Variants in CAMK1G observed in about 807,000 individuals in gnomAD.
CAMK1G encodes calcium/calmodulin dependent protein kinase IG.
Under a neutral mutation model 54.8 loss-of-function variants are expected in CAMK1G, and 27 were observed. The observed-to-expected ratio is 0.49, with a 90% CI of 0.36 to 0.68. CAMK1G has a LOEUF of 0.68. Among genes scored for constraint, CAMK1G ranks in the 30% least tolerant of loss-of-function variants. The pLI, the probability that CAMK1G is intolerant of heterozygous loss-of-function variation, is 0.00. For missense variants in CAMK1G, 512 were observed against 591.0 expected (o/e 0.87, Z 1.39); for synonymous variants, 238 against 224.9 (o/e 1.06, Z -0.52).
At chr1:209,608,846 C>T (rs1462801423) in intron 7 of CAMK1G, 134 bp from the exon 8 acceptor site, 43 of 1,252,498 alleles carry the variant, frequency 3.4e-5, no homozygotes, top group Middle Eastern at 5.5e-4. Flanking sequence ...GGCAGATCTG[C>T]GTCCTGGTCA....
intron 3 of CAMK1G, among the ~76,000 whole-genome samples, chr1:209,601,467 C>A (rs531651458): frequency 6.6e-6 from 1 of 152,274 alleles, no homozygotes; most frequent in South Asian, 2.1e-4. Flanking sequence ...TTGGAACATA[C>A]TGAATATGAG....
At chr1:209,596,702 C>CAT (rs1346366227) in intron 2 of CAMK1G, among the ~76,000 whole-genome samples, 13 of 142,850 alleles carry the variant, frequency 9.1e-5, no homozygotes, top group Admixed American at 3.5e-4. Context: ...CACACACACA[C>CAT]GTACTGAGCA....
At chr1:209,601,313 G>T (rs2102389147) in intron 3 of CAMK1G, among the ~76,000 whole-genome samples, 1 of 152,340 alleles carries the variant, frequency 6.6e-6, no homozygotes, top group South Asian at 2.1e-4. Context: ...AAGTGATTGG[G>T]TTTGGGGTTG....
At chr1:209,592,840 T>A (rs1665291806) in intron 1 of CAMK1G, among the ~76,000 whole-genome samples, 2 of 152,338 alleles carry the variant, frequency 1.3e-5, no homozygotes, top group Admixed American at 1.3e-4. Context: ...GTCTCATAGT[T>A]GTGTTTTAAT....
At chr1:209,600,236 A>G in intron 3 of CAMK1G, 125 bp downstream of exon 3, 2 of 1,169,628 alleles carry the variant, frequency 1.7e-6, no homozygotes, top group Non-Finnish European at 2.4e-6. Flanking sequence ...GATTGAGTTG[A>G]TGGGTCAGTT....
At position 209,605,542 on chromosome 1, in the gene CAMK1G, T is replaced by C. The variant is rs1665628035; in HGVS notation, c.303T>C (p.Ser101=). ...CTTGATCCTATGCCCACAGTGTTTC[T>C]GGTGGGGAGCTCTTTGACCGGATCC... ...THYYLVMQLV[S]GGELFDRILE... Residue 101 remains serine, a synonymous_variant, in exon 5 of 13, where the codon TCT becomes TCC. Transcript: ENST00000361322. The C allele has an allele frequency of 6.2e-7, 1 of 1,613,892 alleles. No homozygotes were observed. The highest frequency in any genetic ancestry group is 8.5e-7 in the Non-Finnish European group (1 of 1,179,854).
At position 209,600,117 on chromosome 1, in the gene CAMK1G, TG is replaced by T. The variant is rs1190288793; in HGVS notation, c.221+9del. ...GAGATTGCTGTGTTGAAAAAGTGAG[TG>T]GGTCTTAGTGTTGACTGGATCACTA... On this transcript the variant is annotated splice_region_variant and intron_variant, in intron 3 of 12. Coordinates refer to ENST00000361322, the MANE Select transcript of CAMK1G (RefSeq NM_020439.3). 6.2e-7 allele frequency: 1 copy of T among 1,612,664 alleles called. No individual in the cohort carries two copies. Among genetic ancestry groups the T allele is most frequent in the Non-Finnish European group, 8.5e-7 (1 of 1,179,544 alleles).
chr1:209,607,709 C>T, intron 6 of CAMK1G, 149 bp from the exon 7 acceptor site: 1 of 643,994 alleles, frequency 1.6e-6, no homozygotes. Flanking sequence ...AGAGACACAG[C>T]CCCTACCCTT....
intron 1 of CAMK1G, among the ~76,000 whole-genome samples, chr1:209,594,554 G>A (rs1462850676): frequency 6.6e-6 from 1 of 152,196 alleles, no homozygotes; most frequent in African/African-American, 2.4e-5. Flanking sequence ...ATTGAGGGAG[G>A]TGGCAGAGTT....
Position 209,611,858 on chromosome 1 carries a change from G to A in CAMK1G, c.982G>A (p.Gly328Ser). ...GCTACACATGAACCTGCACAGCCCGGGCGTCCGCCCAGAGGTGGAGAACAG... is the reference window on the plus strand; with the variant it reads ...GCTACACATGAACCTGCACAGCCCGAGCGTCCGCCCAGAGGTGGAGAACAG... ...RKLHMNLHSP[G>S]VRPEVENRPP... Residue 328 changes from glycine (G) to serine (S), a missense_variant, in exon 11 of 13, where the codon GGC (glycine) becomes AGC (serine). Gly to Ser is a moderately conservative substitution (Grantham distance 56). Coordinates refer to ENST00000361322, the MANE Select transcript of CAMK1G (RefSeq NM_020439.3). 4.3e-6 allele frequency: 7 copies of A among 1,614,224 alleles called. No homozygotes were observed. The highest frequency in any genetic ancestry group is 5.9e-6 in the Non-Finnish European group (7 of 1,180,046).
At chr1:209,606,745 G>A (rs755180405) in intron 6 of CAMK1G, among the ~76,000 whole-genome samples, 7 of 152,152 alleles carry the variant, frequency 4.6e-5, no homozygotes, top group African/African-American at 1.7e-4. Context: ...TGGACCAGGG[G>A]CAGACAAGAT....
At chr1:209,598,451 G>A (rs1665441955) in intron 2 of CAMK1G, among the ~76,000 whole-genome samples, 1 of 152,208 alleles carries the variant, frequency 6.6e-6, no homozygotes, top group Non-Finnish European at 1.5e-5. Flanking sequence ...CACATTGAAA[G>A]TGGCATGAAT....
chr1:209,592,364 A>AAAAAAAAC (rs1553272847), intron 1 of CAMK1G, among the ~76,000 whole-genome samples: 2 of 143,774 alleles, frequency 1.4e-5, no homozygotes, highest in Non-Finnish European at 1.5e-5. Flanking sequence ...AAAAAAAAAA[A>AAAAAAAAC]CTCCAGTACT....
At chr1:209,586,634 C>G (rs1665108409) in intron 1 of CAMK1G, among the ~76,000 whole-genome samples, 2 of 152,226 alleles carry the variant, frequency 1.3e-5, no homozygotes, top group Non-Finnish European at 2.9e-5. Context: ...AATGTGGACC[C>G]ACTGCATGGC....
rs143175598 is a variant in CAMK1G, at chr1:209,588,535, G to A, written c.-30+4763G>A. ...ACGTTTAATAAGCACCTCAGGGCAG[G>A]TCCCTAAATGGCTGCAACTCAAATA... On this transcript the variant is annotated intron_variant, in intron 1 of 12. Transcript: ENST00000361322. Among the ~76,000 whole-genome samples, 50 of 152,312 alleles carry A rather than the reference G, an allele frequency of 3.3e-4. 1 individual carries two copies. The highest frequency in any genetic ancestry group is 5.9e-4 in the Non-Finnish European group (40 of 68,032).
chr1:209,602,160 A>T (rs1343176507), intron 3 of CAMK1G, among the ~76,000 whole-genome samples: 1 of 152,150 alleles, frequency 6.6e-6, no homozygotes, highest in Admixed American at 6.5e-5. Flanking sequence ...TGCTGTCGAC[A>T]TTTTGAAACA....
rs149393125 is a variant in CAMK1G, at chr1:209,595,040, C to T, written c.57C>T (p.Ile19=). The T allele has an allele frequency of 6.2e-7, 1 of 1,614,102 alleles. No individual in the cohort carries two copies. The highest frequency in any genetic ancestry group is 1.3e-5 in the African/African-American group (1 of 75,034). The part of the protein sequence containing the change: ...CSSWKKQTTN[I]RKTFIFMEVL... ...CCTGGAAGAAACAGACCACCAACAT[C>T]CGGAAAACCTTCATTTTTATGGAAG... Residue 19 remains isoleucine, a synonymous_variant, in exon 2 of 13, where the codon ATC becomes ATT. Coordinates refer to ENST00000361322, the MANE Select transcript of CAMK1G (RefSeq NM_020439.3).
rs571165679 is a variant in CAMK1G at position 209,609,610 on chromosome 1, A to G, written c.749-241A>G. On this transcript the variant is annotated intron_variant, in intron 8 of 12. Coordinates refer to ENST00000361322, the MANE Select transcript of CAMK1G (RefSeq NM_020439.3). ...TGTGCAGGCACATGGGGGCCTTGTG[A>G]CTAGTGACGCTTCTGCAGTGCTGTG... 3.3e-5 allele frequency among the ~76,000 whole-genome samples: 5 copies of G among 152,286 alleles called. No individual in the cohort carries two copies. The South Asian group carries it at 1.0e-3, about 32-fold the overall frequency.
intron 3 of CAMK1G, among the ~76,000 whole-genome samples, chr1:209,600,316 G>A (rs1571779586): frequency 6.7e-6 from 1 of 149,962 alleles, no homozygotes; most frequent in East Asian, 1.9e-4. Context: ...ACAAATTGAT[G>A]AGCAAATCCA....
Sources: allele counts gnomAD v4.1 joint callset (sites outside exome capture counted in the v4.1 genomes callset), GRCh38; gene constraint gnomAD v4.1.1; transcripts MANE v1.5; gene names NCBI Gene and HGNC (gene_info 2026-07-23, HGNC 2026-07-21).